CRPPA: variants seen among roughly 807,000 people sequenced by gnomAD.
CRPPA encodes CDP-L-ribitol pyrophosphorylase A.
CRPPA carries 43 observed loss-of-function variants against 52.0 expected under a neutral mutation model. The observed-to-expected ratio is 0.83, with a 90% CI of 0.65 to 1.07. CRPPA has a LOEUF of 1.07. Among genes scored for constraint, CRPPA ranks in the 50% least tolerant of loss-of-function variants. The pLI is 0.00. For missense variants in CRPPA, 629 were observed against 551.7 expected, an observed-to-expected ratio of 1.14 and a Z score of -1.40; for synonymous variants, 250 against 203.5, an observed-to-expected ratio of 1.23 and a Z score of -1.94.
intron 3 of CRPPA, among the ~76,000 whole-genome samples, chr7:16,319,582 G>A (rs1285487186): frequency 1.3e-5 from 2 of 152,094 alleles, no homozygotes; most frequent in African/African-American, 4.8e-5. Flanking sequence ...TCTGAGGTTA[G>A]TATTTTTAGG....
intron 2 of CRPPA, among the ~76,000 whole-genome samples, chr7:16,398,548 G>A (rs1376393298): frequency 2.0e-5 from 3 of 152,130 alleles, no homozygotes; most frequent in African/African-American, 7.2e-5. Context: ...CGACATAAGT[G>A]ACACGTGATC....
intron 5 of CRPPA, among the ~76,000 whole-genome samples, chr7:16,292,845 A>G (rs1583497192): frequency 6.6e-6 from 1 of 151,976 alleles, no homozygotes; most frequent in Admixed American, 6.6e-5. Context: ...CAGTAACACA[A>G]GTATCTTTAA....
intron 1 of CRPPA, among the ~76,000 whole-genome samples, chr7:16,409,490 G>A (rs1209602012): frequency 6.6e-6 from 1 of 152,160 alleles, no homozygotes; most frequent in African/African-American, 2.4e-5. Flanking sequence ...GCTGTAATCT[G>A]GGCAATGCAA....
chr7:16,291,514 A>G (rs78208790), intron 5 of CRPPA, among the ~76,000 whole-genome samples: 15,787 of 151,958 alleles, frequency 0.1, 1,082 homozygotes, highest in East Asian at 0.37. Context: ...GTTGTCACTC[A>G]CATAATGAAA....
intron 5 of CRPPA, among the ~76,000 whole-genome samples, chr7:16,294,471 T>A (rs200645374): frequency 1.5e-4 from 1 of 6,852 alleles, no homozygotes; most frequent in Admixed American, 2.0e-3. Flanking sequence ...TCCAATTTAC[T>A]TTTTTTTTTA....
chr7:16,396,772 TGTGAAGGAAGAC>T (rs1787585795), intron 2 of CRPPA, among the ~76,000 whole-genome samples: 1 of 152,192 alleles, frequency 6.6e-6, no homozygotes, highest in African/African-American at 2.4e-5. Flanking sequence ...GTGACATACA[TGTGAAGGAAGAC>T]GTGATATGTG....
At chr7:16,266,676 A>G (rs1176732115) in intron 6 of CRPPA, among the ~76,000 whole-genome samples, 1 of 151,834 alleles carries the variant, frequency 6.6e-6, no homozygotes, top group Non-Finnish European at 1.5e-5. Context: ...TGGGACTTTC[A>G]CCATATTGGC....
chr7:16,233,462 ATAT>A (rs1782861895), intron 8 of CRPPA, among the ~76,000 whole-genome samples: 1 of 152,172 alleles, frequency 6.6e-6, no homozygotes. Flanking sequence ...ATCTTCAAAG[ATAT>A]TATAATGGTT....
At chr7:16,140,359 T>C (rs1187476761) in intron 9 of CRPPA, among the ~76,000 whole-genome samples, 1 of 151,750 alleles carries the variant, frequency 6.6e-6, no homozygotes, top group Non-Finnish European at 1.5e-5. Flanking sequence ...GAGATGGGGT[T>C]TCACCATGTT....
At chr7:16,260,580 T>C (rs1389895546) in intron 6 of CRPPA, among the ~76,000 whole-genome samples, 1 of 152,080 alleles carries the variant, frequency 6.6e-6, no homozygotes, top group Non-Finnish European at 1.5e-5. Flanking sequence ...ATATCTATGA[T>C]ACTGTGTCAG....
At chr7:16,092,074 A>C (rs1204082751) in intron 9 of CRPPA, among the ~76,000 whole-genome samples, 1 of 152,240 alleles carries the variant, frequency 6.6e-6, no homozygotes, top group East Asian at 1.9e-4. Context: ...ATTTCCCCTT[A>C]ATCCAATTTC....
At chr7:16,246,222 G>A (rs1031112503) in intron 8 of CRPPA, among the ~76,000 whole-genome samples, 11 of 152,024 alleles carry the variant, frequency 7.2e-5, no homozygotes, top group Non-Finnish European at 1.3e-4. Flanking sequence ...ATCTTCACCC[G>A]AAGTAGATTC....
intron 8 of CRPPA, among the ~76,000 whole-genome samples, chr7:16,249,015 G>C (rs2128409004): frequency 6.6e-6 from 1 of 152,248 alleles, no homozygotes. Flanking sequence ...GATCGACCTG[G>C]GATGCTTGAG....
chr7:16,325,919 C>T (rs572332906), intron 3 of CRPPA, among the ~76,000 whole-genome samples: 1 of 152,072 alleles, frequency 6.6e-6, no homozygotes, highest in African/African-American at 2.4e-5. Context: ...GTAAAATTGG[C>T]AACACAATAA....
chr7:16,248,110 G>A (rs971164213), intron 8 of CRPPA: 3 of 152,198 alleles, frequency 2.0e-5, no homozygotes, highest in African/African-American at 4.8e-5. Flanking sequence ...GAAGGCAGGA[G>A]TATTGCTTGA....
At chr7:16,361,928 C>T (rs1786457841) in intron 3 of CRPPA, among the ~76,000 whole-genome samples, 1 of 152,156 alleles carries the variant, frequency 6.6e-6, no homozygotes, top group African/African-American at 2.4e-5. Context: ...TATCTCGGCT[C>T]ACTGCAAACT....
intron 3 of CRPPA, among the ~76,000 whole-genome samples, chr7:16,365,297 A>G (rs555825857): frequency 3.1e-4 from 47 of 152,354 alleles, no homozygotes; most frequent in Admixed American, 2.8e-3. Flanking sequence ...ATTGGAGGTA[A>G]CAATACAACA....
Position 16,133,993 on chromosome 7 carries a change from G to T in CRPPA, c.1252-42194C>A, listed in dbSNP as rs575869991. On this transcript the variant is annotated intron_variant, in intron 9 of 9. Coordinates refer to ENST00000407010, the MANE Select transcript of CRPPA (RefSeq NM_001101426.4). ...GTTGCCCAGGCTGGAGTGCAGTGGC[G>T]CAATCTCGGCTCACTGTAAGCTCCG... 1.6e-5 allele frequency among the ~76,000 whole-genome samples: 2 copies of T among 123,370 alleles called. 1 individual carries two copies. Among genetic ancestry groups the T allele is most frequent in the Non-Finnish European group, 3.7e-5 (2 of 54,294 alleles). 80.9% of individuals were successfully genotyped at this position (123,370 alleles called of 152,430 possible).
chr7:16,226,953 A>ATCAAC (rs1376027874), intron 8 of CRPPA, among the ~76,000 whole-genome samples: 4 of 151,894 alleles, frequency 2.6e-5, no homozygotes, highest in Non-Finnish European at 4.4e-5. Context: ...CTGCCATAGT[A>ATCAAC]TCAACTCTTT....
Sources: gnomAD v4.1 joint callset for allele counts (sites outside exome capture counted in the v4.1 genomes callset) on GRCh38, gnomAD v4.1.1 for gene constraint, MANE v1.5 for transcripts, NCBI Gene and HGNC (gene_info 2026-07-23, HGNC 2026-07-21) for gene names.